NAALADL2: variants seen among roughly 807,000 people sequenced by gnomAD.
NAALADL2 encodes the protein inactive N-acetylated-alpha-linked acidic dipeptidase-like protein 2.
In NAALADL2, 76 loss-of-function variants were observed where a neutral mutation model predicts 87.2. The ratio of observed to expected loss-of-function variants is 0.87; its 90% CI spans 0.72 to 1.05. NAALADL2 has a LOEUF of 1.05. Among genes scored for constraint, NAALADL2 ranks in the 50% least tolerant of loss-of-function variants. The pLI, the probability that NAALADL2 is intolerant of heterozygous loss-of-function variation, is 0.00. For missense variants in NAALADL2, 1,089 were observed against 945.8 expected, an observed-to-expected ratio of 1.15 and a Z score of -1.99; for synonymous variants, 354 against 331.0, an observed-to-expected ratio of 1.07 and a Z score of -0.75.
intron 1 of NAALADL2, among the ~76,000 whole-genome samples, chr3:174,462,512 G>C (rs964476752): frequency 6.6e-6 from 1 of 152,078 alleles, no homozygotes; most frequent in South Asian, 2.1e-4. Flanking sequence ...GACATAAGAC[G>C]AAGTGGAAAA....
intron 3 of NAALADL2, among the ~76,000 whole-genome samples, chr3:174,847,224 T>C (rs371911064): frequency 6.6e-6 from 1 of 152,150 alleles, no homozygotes; most frequent in African/African-American, 2.4e-5. Context: ...ACTTTCCTAG[T>C]TTACCTATAT....
At chr3:175,767,841 A>G (rs1282413383) in intron 13 of NAALADL2, among the ~76,000 whole-genome samples, 1 of 152,120 alleles carries the variant, frequency 6.6e-6, no homozygotes, top group East Asian at 1.9e-4. Flanking sequence ...AAATTCTATG[A>G]ATCTCCTTCT....
intron 3 of NAALADL2, among the ~76,000 whole-genome samples, chr3:175,250,187 G>C (rs1748784648): frequency 1.3e-5 from 2 of 148,584 alleles, no homozygotes; most frequent in South Asian, 4.3e-4. Flanking sequence ...AAAAAAAAAA[G>C]AGCGATTAGT....
At chr3:175,416,038 C>CG (rs202079121) in intron 5 of NAALADL2, among the ~76,000 whole-genome samples, 2,847 of 151,576 alleles carry the variant, frequency 0.019, 98 homozygotes, top group African/African-American at 0.065. Flanking sequence ...GGGAGGATCC[C>CG]GTGAGCCTGG....
At chr3:174,962,401 AG>A (rs1742203459) in intron 1 of NAALADL2, among the ~76,000 whole-genome samples, 1 of 114,898 alleles carries the variant, frequency 8.7e-6, no homozygotes, top group African/African-American at 3.6e-5. Flanking sequence ...TATATGTCAT[AG>A]TGACTATGAC....
At position 175,738,723 on chromosome 3, in the gene NAALADL2, C is replaced by T. The variant is rs1230872781; in HGVS notation, c.1990+1324C>T. On this transcript the variant is annotated intron_variant, in intron 12 of 13. Coordinates refer to ENST00000454872, the MANE Select transcript of NAALADL2 (RefSeq NM_207015.3). ...ATACAAATAGCCTCATATTGCTCTC[C>T]TTTTTATATATTTAAGTTAGTCTCT... Among the ~76,000 whole-genome samples, 7 of 152,102 alleles carry T rather than the reference C, an allele frequency of 4.6e-5. No individual in the cohort carries two copies. In the South Asian group the frequency reaches 1.4e-3, roughly 31 times the overall value.
At chr3:175,612,897 A>G (rs1470367743) in intron 10 of NAALADL2, among the ~76,000 whole-genome samples, 1 of 152,124 alleles carries the variant, frequency 6.6e-6, no homozygotes, top group African/African-American at 2.4e-5. Context: ...GTAATTTTGT[A>G]TGTTAATAAT....
chr3:174,711,703 T>A lies in NAALADL2; in HGVS notation c.-114-25938T>A, dbSNP rs1381553670. Reference sequence around the variant, plus strand: ...GACTATGTGTTTGTTTGTTGGTAAATCACAAGCATTGGATTCTCAGGCTAA... The same window carrying A: ...GACTATGTGTTTGTTTGTTGGTAAAACACAAGCATTGGATTCTCAGGCTAA... On this transcript the variant is annotated intron_variant, in intron 2 of 3. Transcript: ENST00000434257. 4.6e-5 allele frequency among the ~76,000 whole-genome samples: 7 copies of A among 152,198 alleles called. No individual in the cohort carries two copies. The East Asian group carries it at 1.2e-3, about 25-fold the overall frequency.
At chr3:174,769,144 T>TAATA (rs1413374526) in intron 3 of NAALADL2, among the ~76,000 whole-genome samples, 9 of 152,060 alleles carry the variant, frequency 5.9e-5, no homozygotes, top group Admixed American at 5.2e-4. Context: ...TAGTCTATAT[T>TAATA]ATTTCCTTTG....
At chr3:175,276,361 G>A (rs573058214) in intron 4 of NAALADL2, among the ~76,000 whole-genome samples, 6 of 148,616 alleles carry the variant, frequency 4.0e-5, no homozygotes, top group East Asian at 4.0e-4. Context: ...GTGCAGCAGC[G>A]TGATCTCAGC....
At chr3:175,410,304 T>C (rs1225636909) in intron 5 of NAALADL2, among the ~76,000 whole-genome samples, 1 of 152,196 alleles carries the variant, frequency 6.6e-6, no homozygotes, top group Non-Finnish European at 1.5e-5. Context: ...ACTATTTTAA[T>C]AGAAACATTT....
At chr3:175,785,769 C>A (rs1751849137) in intron 13 of NAALADL2, among the ~76,000 whole-genome samples, 1 of 149,456 alleles carries the variant, frequency 6.7e-6, no homozygotes, top group Middle Eastern at 3.4e-3. Context: ...GGTGATTTTG[C>A]TCGTTAGTTG....
chr3:175,307,847 T>G (rs1025846137), intron 4 of NAALADL2, among the ~76,000 whole-genome samples: 1 of 152,200 alleles, frequency 6.6e-6, no homozygotes, highest in Non-Finnish European at 1.5e-5. Flanking sequence ...AATGTTCTGT[T>G]GTAGAAGTTT....
At chr3:174,930,302 A>G (rs1157486550) in intron 1 of NAALADL2, among the ~76,000 whole-genome samples, 1 of 152,068 alleles carries the variant, frequency 6.6e-6, no homozygotes, top group African/African-American at 2.4e-5. Flanking sequence ...TTTTAAAAAA[A>G]TGTTTTTATT....
intron 4 of NAALADL2, among the ~76,000 whole-genome samples, chr3:175,276,073 C>T (rs1220895452): frequency 6.7e-6 from 1 of 150,152 alleles, no homozygotes; most frequent in East Asian, 1.9e-4. Context: ...AAAATTATAC[C>T]CTAATGAAAA....
chr3:175,501,424 GACAC>G (rs61284771), intron 9 of NAALADL2, among the ~76,000 whole-genome samples: 1 of 148,932 alleles, frequency 6.7e-6, no homozygotes. Flanking sequence ...ATACGTTTTA[GACAC>G]ACACACACAC....
chr3:175,738,527 A>T (rs951870199), intron 12 of NAALADL2, among the ~76,000 whole-genome samples: 1 of 152,154 alleles, frequency 6.6e-6, no homozygotes, highest in Non-Finnish European at 1.5e-5. Context: ...AATTACAGGC[A>T]TGAGCCACCG....
intron 1 of NAALADL2, among the ~76,000 whole-genome samples, chr3:174,987,926 C>T: frequency 6.6e-6 from 1 of 150,980 alleles, no homozygotes; most frequent in East Asian, 1.9e-4. Context: ...CCCACCTTTG[C>T]CTCCCAAAGT....
In NAALADL2 at chr3:175,604,944, G is replaced by A. The variant is rs114907977; in HGVS notation, c.1801-22347G>A. 1.1e-3 allele frequency among the ~76,000 whole-genome samples: 170 copies of A among 152,294 alleles called. 1 individual carries two copies. Among genetic ancestry groups the A allele is most frequent in the African/African-American group, 3.8e-3 (159 of 41,562 alleles). ...ATGGTGGCAGTGCTGATTAGCATGA[G>A]TCCTATAACTCTGGATAATCCATGG... is the stretch of plus-strand genomic sequence containing the variant. On this transcript the variant is annotated intron_variant, in intron 10 of 13. Coordinates refer to ENST00000454872, the MANE Select transcript of NAALADL2 (RefSeq NM_207015.3).
Sources: gnomAD v4.1 joint callset for allele counts (sites outside exome capture counted in the v4.1 genomes callset) on GRCh38, gnomAD v4.1.1 for gene constraint, MANE v1.5 for transcripts, NCBI Gene and HGNC (gene_info 2026-07-23, HGNC 2026-07-21) for gene names.